The following ARHGAP15 variants were observed in gnomAD, a reference collection of about 807,000 sequenced individuals.
The protein encoded by ARHGAP15 is rho GTPase-activating protein 15.
A neutral mutation model predicts 63.7 loss-of-function variants in ARHGAP15; 51 were observed. That is an observed-to-expected ratio of 0.80 (90% CI 0.64 to 1.01). The LOEUF (loss-of-function observed/expected upper bound fraction) is 1.01. ARHGAP15 is among the 50% of genes least tolerant of loss of function. The pLI is 0.00. For synonymous variants in ARHGAP15, 191 were observed against 193.8 expected, an observed-to-expected ratio of 0.99 and a Z score of 0.12; for missense variants, 560 against 564.6, an observed-to-expected ratio of 0.99 and a Z score of 0.08.
intron 13 of ARHGAP15, among the ~76,000 whole-genome samples, chr2:143,716,154 C>T (rs1684803009): frequency 1.3e-5 from 2 of 152,142 alleles, no homozygotes; most frequent in African/African-American, 4.8e-5. Context: ...GCACATCCTG[C>T]ATAGTTACTC....
intron 6 of ARHGAP15, among the ~76,000 whole-genome samples, chr2:143,278,136 A>G (rs1681655724): frequency 6.6e-6 from 1 of 152,196 alleles, no homozygotes; most frequent in Admixed American, 6.5e-5. Context: ...TAGCTCAGTG[A>G]CATCATTGAC....
intron 6 of ARHGAP15, among the ~76,000 whole-genome samples, chr2:143,399,103 T>G (rs1319276588): frequency 2.0e-5 from 3 of 152,102 alleles, no homozygotes; most frequent in African/African-American, 4.8e-5. Flanking sequence ...AAACCACTTA[T>G]AAAAAGTTGA....
intron 3 of ARHGAP15, among the ~76,000 whole-genome samples, chr2:143,205,372 G>C (rs1234299050): frequency 6.6e-6 from 1 of 151,706 alleles, no homozygotes; most frequent in Non-Finnish European, 1.5e-5. Context: ...ACCACCAGAT[G>C]GCATACTACA....
chr2:143,482,262 A>G (rs554948251), intron 8 of ARHGAP15, among the ~76,000 whole-genome samples: 2 of 148,358 alleles, frequency 1.3e-5, no homozygotes, highest in South Asian at 4.2e-4. Context: ...GTGGGAATGG[A>G]AAAAAAAAAC....
chr2:143,289,865 G>C (rs971043104), intron 6 of ARHGAP15, among the ~76,000 whole-genome samples: 1 of 152,050 alleles, frequency 6.6e-6, no homozygotes, highest in Non-Finnish European at 1.5e-5. Flanking sequence ...AAATTTTACT[G>C]GTTTTCATAT....
chr2:143,299,401 C>T (rs1682797665), intron 6 of ARHGAP15, among the ~76,000 whole-genome samples: 1 of 151,934 alleles, frequency 6.6e-6, no homozygotes, highest in Non-Finnish European at 1.5e-5. Flanking sequence ...ATTTACCACA[C>T]TTTCTCATAC....
intron 1 of ARHGAP15, among the ~76,000 whole-genome samples, chr2:143,142,519 T>A (rs1689410953): frequency 6.6e-6 from 1 of 152,084 alleles, no homozygotes; most frequent in South Asian, 2.1e-4. Context: ...TTAAAAGATG[T>A]CTCTAAAAGT....
chr2:143,333,893 T>A (rs1274441016), intron 6 of ARHGAP15, among the ~76,000 whole-genome samples: 1 of 152,200 alleles, frequency 6.6e-6, no homozygotes, highest in African/African-American at 2.4e-5. Context: ...ATTCAAAAAT[T>A]GTTTCTTGTC....
chr2:143,519,749 G>A (rs573844911), intron 10 of ARHGAP15, among the ~76,000 whole-genome samples: 1 of 152,254 alleles, frequency 6.6e-6, no homozygotes, highest in East Asian at 1.9e-4. Context: ...CATTACCCAA[G>A]TTAAGCAAAT....
chr2:143,710,407 T>C (rs756463691), intron 13 of ARHGAP15, among the ~76,000 whole-genome samples: 16 of 152,222 alleles, frequency 1.1e-4, no homozygotes, highest in Non-Finnish European at 1.5e-4. Flanking sequence ...ATAGTAATCA[T>C]TAAAATGTCA....
chr2:143,329,018 C>A (rs546666967), intron 6 of ARHGAP15, among the ~76,000 whole-genome samples: 1 of 152,178 alleles, frequency 6.6e-6, no homozygotes, highest in Non-Finnish European at 1.5e-5. Flanking sequence ...ATGAAAGCAA[C>A]TTGTACATTT....
intron 8 of ARHGAP15, among the ~76,000 whole-genome samples, chr2:143,472,171 G>GT (rs1381190610): frequency 3.3e-5 from 5 of 151,996 alleles, no homozygotes; most frequent in African/African-American, 1.2e-4. Flanking sequence ...ACTACATAAG[G>GT]TAACATTGTT....
At chr2:143,423,782 C>T (rs2105059418) in intron 6 of ARHGAP15, among the ~76,000 whole-genome samples, 1 of 152,194 alleles carries the variant, frequency 6.6e-6, no homozygotes, top group South Asian at 2.1e-4. Context: ...TTAAGTTCTT[C>T]TCCTGGATTG....
chr2:143,472,609 T>G (rs1204636586), intron 8 of ARHGAP15, among the ~76,000 whole-genome samples: 1 of 152,194 alleles, frequency 6.6e-6, no homozygotes, highest in Non-Finnish European at 1.5e-5. Context: ...TTGTGAGGTT[T>G]AATTGTTAGC....
At chr2:143,518,250 A>G (rs1271306132) in intron 9 of ARHGAP15, among the ~76,000 whole-genome samples, 1 of 152,228 alleles carries the variant, frequency 6.6e-6, no homozygotes, top group East Asian at 1.9e-4. Flanking sequence ...AGTCTGTGCA[A>G]GCACTGGTGA....
intron 9 of ARHGAP15, among the ~76,000 whole-genome samples, chr2:143,518,063 A>G (rs542099449): frequency 6.6e-6 from 1 of 152,362 alleles, no homozygotes; most frequent in African/African-American, 2.4e-5. Flanking sequence ...ATAAACAGAT[A>G]CTATCTCAAT....
At chr2:143,534,503 G>A (rs942222718) in intron 10 of ARHGAP15, among the ~76,000 whole-genome samples, 1 of 152,056 alleles carries the variant, frequency 6.6e-6, no homozygotes, top group Non-Finnish European at 1.5e-5. Context: ...ACCCAGAGAA[G>A]AGACAGGCCT....
At chr2:143,721,146 G>A (rs1300958691) in intron 13 of ARHGAP15, among the ~76,000 whole-genome samples, 4 of 151,334 alleles carry the variant, frequency 2.6e-5, no homozygotes, top group African/African-American at 9.7e-5. Context: ...AAGCTCCCAG[G>A]TGCCACTGCT....
chr2:143,756,812 A>G (rs1686594607), intron 13 of ARHGAP15, among the ~76,000 whole-genome samples: 1 of 152,206 alleles, frequency 6.6e-6, no homozygotes, highest in Non-Finnish European at 1.5e-5. Flanking sequence ...CTGTGCAGAT[A>G]TATCCTTGGA....
Sources: gnomAD v4.1 joint callset for allele counts (sites outside exome capture counted in the v4.1 genomes callset) on GRCh38, gnomAD v4.1.1 for gene constraint, MANE v1.5 for transcripts, NCBI Gene and HGNC (gene_info 2026-07-23, HGNC 2026-07-21) for gene names.